CAST: variants seen among roughly 807,000 people sequenced by gnomAD.
The protein encoded by CAST is MIR583 host.
Under a neutral mutation model 119.6 loss-of-function variants are expected in CAST, and 76 were observed. The ratio of observed to expected loss-of-function variants is 0.64; its 90% confidence interval spans 0.53 to 0.77. The LOEUF is 0.77. Ranked by LOEUF, CAST falls within the 30% of genes least tolerant of loss-of-function variation. The pLI is 0.00. For synonymous variants in CAST, 319 were observed against 331.6 expected (o/e 0.96, Z 0.41); for missense variants, 953 against 946.5 (o/e 1.01, Z -0.09).
intron 1 of CAST, among the ~76,000 whole-genome samples, chr5:96,647,105 G>A (rs2150204312): frequency 6.6e-6 from 1 of 152,294 alleles, no homozygotes; most frequent in Middle Eastern, 3.4e-3. Flanking sequence ...TGGAGTTAGG[G>A]GCACTGGCTT....
At chr5:96,722,463 G>C (rs984840451) in intron 3 of CAST, among the ~76,000 whole-genome samples, 176 bp from the exon 4 acceptor site, 5 of 152,174 alleles carry the variant, frequency 3.3e-5, no homozygotes, top group African/African-American at 1.2e-4. Context: ...GAACCTATTT[G>C]ATCTGGTTAC....
At chr5:96,278,069 T>C in the CAST span, among the ~76,000 whole-genome samples, 2 of 151,922 alleles carry the variant, frequency 1.3e-5, no homozygotes, top group East Asian at 1.9e-4. Flanking sequence ...TTGTCTTAGA[T>C]TGGGTTTTCT....
chr5:96,600,867 G>C (rs1747137229), intron 1 of CAST, among the ~76,000 whole-genome samples: 1 of 152,128 alleles, frequency 6.6e-6, no homozygotes, highest in Admixed American at 6.5e-5. Flanking sequence ...TTATTCTAAA[G>C]TTTGAAGATT....
At chr5:96,466,399 C>T in the CAST span, among the ~76,000 whole-genome samples, 1 of 152,060 alleles carries the variant, frequency 6.6e-6, no homozygotes, top group Admixed American at 6.6e-5. Context: ...GAGTGTGAAA[C>T]ATGACCATGG....
At chr5:96,607,071 G>A (rs1013679426) in intron 1 of CAST, among the ~76,000 whole-genome samples, 13 of 152,248 alleles carry the variant, frequency 8.5e-5, no homozygotes, top group African/African-American at 2.2e-4. Context: ...GGCGGATCAC[G>A]AGGTCAGGAG....
intron 6 of CAST, chr5:96,728,827 C>A: frequency 4.8e-6 from 1 of 207,080 alleles, no homozygotes; most frequent in Non-Finnish European, 9.8e-6. Context: ...TCAGTAGTCA[C>A]ATGGCTCATG....
the CAST span, among the ~76,000 whole-genome samples, chr5:96,303,786 T>A: frequency 1.3e-5 from 2 of 152,190 alleles, no homozygotes; most frequent in Admixed American, 1.3e-4. Flanking sequence ...AAGTCACCCT[T>A]TTTTATGGCT....
chr5:96,105,680 A>G, the CAST span, among the ~76,000 whole-genome samples: 1 of 152,204 alleles, frequency 6.6e-6, no homozygotes, highest in Non-Finnish European at 1.5e-5. Context: ...CATCAAGGAT[A>G]TTGGTGTAAA....
Position 96,750,673 on chromosome 5 carries a change from G to A in CAST, c.1515G>A (p.Pro505=), listed in dbSNP as rs554568334. Residue 505 remains proline (P), a synonymous_variant, in exon 20 of 32, where the codon CCG becomes CCA. Transcript: ENST00000675179. Reference sequence around the variant, plus strand: ...GTATACAGTCAGCACCCCCTGAGCCGGCTACCTTGGTGAGTGACTCCCTGG... The same window carrying A: ...GTATACAGTCAGCACCCCCTGAGCCAGCTACCTTGGTGAGTGACTCCCTGG... The part of the protein sequence containing the change: ...MCSIQSAPPE[P]ATLKGTVPDD... 119 of 1,610,862 alleles carry A rather than the reference G, an allele frequency of 7.4e-5. No homozygotes were observed. The South Asian group carries it at 7.9e-4, about 11-fold the overall frequency.
At chr5:95,975,260 G>A in the CAST span, among the ~76,000 whole-genome samples, 1 of 152,202 alleles carries the variant, frequency 6.6e-6, no homozygotes, top group Non-Finnish European at 1.5e-5. Context: ...GTAGTAACAA[G>A]TGATTTTATC....
chr5:96,260,013 A>G, the CAST span, among the ~76,000 whole-genome samples: 4 of 151,928 alleles, frequency 2.6e-5, no homozygotes, highest in African/African-American at 4.8e-5. Flanking sequence ...TCAGAGTCCC[A>G]TTTTCCATCC....
chr5:96,464,735 A>G, the CAST span, among the ~76,000 whole-genome samples: 1 of 152,122 alleles, frequency 6.6e-6, no homozygotes, highest in Non-Finnish European at 1.5e-5. Context: ...AAAGTGCATA[A>G]GCATAAATGT....
the CAST span, among the ~76,000 whole-genome samples, chr5:96,353,021 A>G: frequency 6.6e-6 from 1 of 152,150 alleles, no homozygotes; most frequent in African/African-American, 2.4e-5. Context: ...AGTTCTTTAC[A>G]GTAATGTGAA....
the CAST span, among the ~76,000 whole-genome samples, chr5:96,324,308 G>A: frequency 3.3e-5 from 5 of 152,160 alleles, no homozygotes; most frequent in East Asian, 1.9e-4. Flanking sequence ...GAGGAAATAC[G>A]TCTAATATTC....
intron 3 of CAST, among the ~76,000 whole-genome samples, chr5:96,709,001 G>C (rs1261468686): frequency 1.3e-5 from 2 of 152,170 alleles, no homozygotes; most frequent in Non-Finnish European, 2.9e-5. Context: ...CTATGTTGTA[G>C]ATCTGCCTCT....
At chr5:96,310,061 G>A in the CAST span, among the ~76,000 whole-genome samples, 6 of 152,176 alleles carry the variant, frequency 3.9e-5, no homozygotes, top group Non-Finnish European at 7.3e-5. Flanking sequence ...TTAGCCATGA[G>A]TTTCTTACAT....
chr5:96,383,093 G>T, the CAST span, among the ~76,000 whole-genome samples: 1 of 152,088 alleles, frequency 6.6e-6, no homozygotes, highest in East Asian at 1.9e-4. Context: ...ATAAACAACT[G>T]GTTATGTGTG....
At chr5:96,367,834 C>T in the CAST span, among the ~76,000 whole-genome samples, 1 of 152,002 alleles carries the variant, frequency 6.6e-6, no homozygotes, top group African/African-American at 2.4e-5. Flanking sequence ...CTCTATCCTG[C>T]ACCCACTGTC....
intron 1 of CAST, among the ~76,000 whole-genome samples, chr5:96,607,645 A>G (rs1411868305): frequency 2.0e-5 from 3 of 152,084 alleles, no homozygotes; most frequent in Non-Finnish European, 4.4e-5. Context: ...GTGTCCTTTC[A>G]TCATCACTTT....
Sources: allele counts gnomAD v4.1 joint callset (sites outside exome capture counted in the v4.1 genomes callset), GRCh38; gene constraint gnomAD v4.1.1; transcripts MANE v1.5; gene names NCBI Gene and HGNC (gene_info 2026-07-23, HGNC 2026-07-21).